LAMA2: variants seen among roughly 807,000 people sequenced by gnomAD.
LAMA2 encodes the protein laminin subunit alpha-2.
A neutral mutation model predicts 364.8 loss-of-function variants in LAMA2; 269 were observed. The observed-to-expected ratio is 0.74, with a 90% CI of 0.67 to 0.82. The LOEUF is 0.82. Among genes scored for constraint, LAMA2 ranks in the 40% least tolerant of loss-of-function variants. LAMA2 has a pLI of 0.00. For missense variants in LAMA2, 3,807 were observed against 3,873.2 expected, an observed-to-expected ratio of 0.98 and a Z score of 0.45; for synonymous variants, 1,379 against 1,370.6, an observed-to-expected ratio of 1.01 and a Z score of -0.14.
intron 3 of LAMA2, among the ~76,000 whole-genome samples, chr6:129,076,057 G>C (rs576093384): frequency 1.3e-4 from 20 of 152,180 alleles, no homozygotes; most frequent in African/African-American, 4.6e-4. Context: ...CTGCACTCCA[G>C]CCTGGGAGAC....
At chr6:129,068,353 CT>C (rs1773074870) in intron 3 of LAMA2, among the ~76,000 whole-genome samples, 1 of 152,190 alleles carries the variant, frequency 6.6e-6, no homozygotes, top group South Asian at 2.1e-4. Context: ...GGCTTATAAA[CT>C]GCAGCAATTT....
chr6:129,487,195 GC>G (rs1051981051), intron 56 of LAMA2, among the ~76,000 whole-genome samples: 3 of 152,216 alleles, frequency 2.0e-5, no homozygotes, highest in Non-Finnish European at 4.4e-5. Flanking sequence ...GAAAATGACT[GC>G]TGCCCTGAGC....
At chr6:128,923,295 TG>T (rs1191657759) in intron 1 of LAMA2, among the ~76,000 whole-genome samples, 4 of 151,600 alleles carry the variant, frequency 2.6e-5, no homozygotes, top group African/African-American at 9.7e-5. Context: ...TAAATTACCT[TG>T]GGCAGTATGG....
intron 1 of LAMA2, among the ~76,000 whole-genome samples, chr6:129,016,082 C>A (rs1014853580): frequency 1.3e-5 from 2 of 151,952 alleles, no homozygotes; most frequent in Non-Finnish European, 2.9e-5. Context: ...TGTCTAACTG[C>A]AAAACAGTTT....
intron 56 of LAMA2, 83 bp from the exon 57 acceptor site, chr6:129,491,818 G>T: frequency 8.8e-7 from 1 of 1,138,914 alleles, no homozygotes; most frequent in South Asian, 1.3e-5. Flanking sequence ...TGAGAGGGGT[G>T]AAGGGTGGCA....
chr6:129,340,830 CAA>C (rs34264921), intron 29 of LAMA2, among the ~76,000 whole-genome samples: 578 of 59,522 alleles, frequency 9.7e-3, no homozygotes, highest in African/African-American at 0.017. Flanking sequence ...AGCTCTGTCT[CAA>C]AAAAAAAAAA....
chr6:129,263,492 T>C (rs1305666764), intron 15 of LAMA2, among the ~76,000 whole-genome samples: 2 of 152,074 alleles, frequency 1.3e-5, no homozygotes, highest in Non-Finnish European at 2.9e-5. Context: ...GGGACAACGA[T>C]GTAAAACCAG....
intron 14 of LAMA2, among the ~76,000 whole-genome samples, chr6:129,256,145 A>C (rs549608211): frequency 6.6e-6 from 1 of 152,348 alleles, no homozygotes; most frequent in Non-Finnish European, 1.5e-5. Flanking sequence ...AGTATCTAAC[A>C]TATGTTGGGA....
Position 129,353,371 on chromosome 6 carries a change from CT to C in LAMA2, c.4717+17del. 6.2e-7 allele frequency: 1 copy of C among 1,609,974 alleles called. No individual in the cohort carries two copies. Among genetic ancestry groups the C allele is most frequent in the Non-Finnish European group, 8.5e-7 (1 of 1,177,212 alleles). On this transcript the variant is annotated intron_variant, in intron 32 of 64. Transcript: ENST00000421865. The stretch of plus-strand genomic sequence containing the variant: ...GGGAGTGTGTTTGTACGTATACTAA[CT>C]TTGCTGTTAGTTTTGGAGGCCTTGA...
At chr6:129,273,549 CATT>C (rs1351334102) in intron 17 of LAMA2, among the ~76,000 whole-genome samples, 1 of 152,104 alleles carries the variant, frequency 6.6e-6, no homozygotes, top group East Asian at 1.9e-4. Flanking sequence ...GCAGAGGAAA[CATT>C]AGGGAGATAA....
In LAMA2 at chr6:129,516,423, A is replaced by G; in HGVS notation, c.*76A>G. 1 of 1,400,736 alleles carries G rather than the reference A, an allele frequency of 7.1e-7. No homozygotes were observed. 86.8% of individuals were successfully genotyped at this position (1,400,736 alleles called of 1,614,324 possible). ...TAAAACAAACAAATATATTTTACCT[A>G]TATATGTTAATTAAACTAATTTGTG... On this transcript the variant is annotated 3_prime_UTR_variant, in exon 65 of 65. Transcript: ENST00000421865.
chr6:128,965,566 G>A (rs901177148), intron 1 of LAMA2, among the ~76,000 whole-genome samples: 25 of 151,808 alleles, frequency 1.6e-4, no homozygotes, highest in African/African-American at 3.9e-4. Flanking sequence ...TGAATCATTC[G>A]TTTTATTCTT....
At chr6:129,072,763 G>A (rs980703225) in intron 3 of LAMA2, among the ~76,000 whole-genome samples, 4 of 151,850 alleles carry the variant, frequency 2.6e-5, no homozygotes, top group African/African-American at 9.7e-5. Context: ...ATGGTAACTT[G>A]CGTCCTTCAT....
At chr6:129,383,628 GC>G (rs891086011) in intron 35 of LAMA2, among the ~76,000 whole-genome samples, 8 of 152,116 alleles carry the variant, frequency 5.3e-5, no homozygotes, top group African/African-American at 1.2e-4. Flanking sequence ...TCTCCAAATG[GC>G]TTTTCAAATA....
chr6:129,510,552 A>G (rs993792983), intron 62 of LAMA2, among the ~76,000 whole-genome samples: 2 of 152,200 alleles, frequency 1.3e-5, no homozygotes, highest in African/African-American at 4.8e-5. Context: ...TGTGGAGATT[A>G]TGATGGGAAA....
intron 3 of LAMA2, among the ~76,000 whole-genome samples, chr6:129,092,238 T>A (rs539089456): frequency 1.3e-5 from 2 of 152,352 alleles, no homozygotes; most frequent in South Asian, 4.1e-4. Flanking sequence ...GTTTCTATTT[T>A]CTTTCTTTCT....
At chr6:129,215,749 A>T (rs1783388006) in intron 12 of LAMA2, among the ~76,000 whole-genome samples, 1 of 152,146 alleles carries the variant, frequency 6.6e-6, no homozygotes, top group Non-Finnish European at 1.5e-5. Context: ...AGTTATCATG[A>T]TTCTTTAATC....
chr6:129,497,745 C>G (rs1003219623), intron 58 of LAMA2, among the ~76,000 whole-genome samples: 1 of 152,190 alleles, frequency 6.6e-6, no homozygotes, highest in African/African-American at 2.4e-5. Context: ...CACTATACTA[C>G]AGGGCAATGT....
At chr6:129,300,594 A>C in intron 21 of LAMA2, 142 bp from the exon 22 acceptor site, 2 of 790,728 alleles carry the variant, frequency 2.5e-6, no homozygotes, top group South Asian at 1.5e-5. Flanking sequence ...AAGATGAATG[A>C]AGTAAGTTTT....
Sources: allele counts gnomAD v4.1 joint callset (sites outside exome capture counted in the v4.1 genomes callset), GRCh38; gene constraint gnomAD v4.1.1; transcripts MANE v1.5; gene names NCBI Gene and HGNC (gene_info 2026-07-23, HGNC 2026-07-21).